Variants in C12orf42 observed in about 807,000 individuals in gnomAD.
C12orf42 encodes the protein chromosome 12 open reading frame 42.
Under a neutral mutation model 21.6 loss-of-function variants are expected in C12orf42, and 25 were observed. The observed-to-expected ratio is 1.16, with a 90% confidence interval of 0.84 to 1.62. The LOEUF (loss-of-function observed/expected upper bound fraction) is 1.62, where lower values mean the gene tolerates loss of function less well. Ranked by LOEUF, C12orf42 falls within the 40% of genes most tolerant of loss-of-function variation. The pLI, the probability that C12orf42 is intolerant of heterozygous loss-of-function variation, is 0.00. For synonymous variants in C12orf42, 174 were observed against 175.0 expected, an observed-to-expected ratio of 0.99 and a Z score of 0.05; for missense variants, 483 against 459.3, an observed-to-expected ratio of 1.05 and a Z score of -0.47.
the C12orf42 span, among the ~76,000 whole-genome samples, chr12:103,128,728 A>G: frequency 1.2e-4 from 19 of 152,160 alleles, no homozygotes; most frequent in African/African-American, 4.3e-4. Context: ...AGTGATTTTC[A>G]TCATCATCAT....
downstream of C12orf42, among the ~76,000 whole-genome samples, chr12:103,266,446 T>A (rs568778355): frequency 6.6e-5 from 10 of 152,158 alleles, no homozygotes; most frequent in Admixed American, 1.3e-4. Flanking sequence ...TATTATTTGA[T>A]CTGATCAGTC....
At chr12:103,455,369 A>T (rs1318972112) in intron 2 of C12orf42, among the ~76,000 whole-genome samples, 1 of 152,176 alleles carries the variant, frequency 6.6e-6, no homozygotes, top group Non-Finnish European at 1.5e-5. Context: ...TTTTTAAAGA[A>T]GGGTGATAAA....
intron 3 of C12orf42, among the ~76,000 whole-genome samples, chr12:103,394,809 G>A (rs764478408): frequency 8.5e-5 from 13 of 152,240 alleles, no homozygotes; most frequent in Middle Eastern, 3.4e-3. Flanking sequence ...CCAAACTGTG[G>A]CAGAGAAATT....
the C12orf42 span, among the ~76,000 whole-genome samples, chr12:103,106,432 G>A: frequency 6.6e-6 from 1 of 151,904 alleles, no homozygotes; most frequent in Non-Finnish European, 1.5e-5. Flanking sequence ...AAATAAACAA[G>A]CATTGACTAT....
intron 4 of C12orf42, among the ~76,000 whole-genome samples, chr12:103,322,108 T>C (rs1403232974): frequency 2.5e-5 from 3 of 122,188 alleles, no homozygotes; most frequent in South Asian, 2.9e-4. Context: ...TGCACGCGCG[T>C]GCGTGCGCGC....
intron 10 of C12orf42, among the ~76,000 whole-genome samples, chr12:103,238,601 A>T (rs2033570718): frequency 6.6e-6 from 1 of 152,114 alleles, no homozygotes; most frequent in Admixed American, 6.6e-5. Context: ...CAGCTGGAAA[A>T]CCCAACAACT....
intron 4 of C12orf42, chr12:103,349,403 T>A (rs2042916841): frequency 6.6e-6 from 1 of 152,094 alleles, no homozygotes; most frequent in Non-Finnish European, 1.5e-5. Context: ...ATTTCGGAGT[T>A]CCCTGTTGAA....
intron 2 of C12orf42, among the ~76,000 whole-genome samples, chr12:103,460,218 T>G (rs1417968996): frequency 1.3e-5 from 2 of 152,000 alleles, no homozygotes; most frequent in Non-Finnish European, 2.9e-5. Flanking sequence ...GACCTTTGTT[T>G]GGTCAACCCC....
intron 3 of C12orf42, among the ~76,000 whole-genome samples, chr12:103,392,817 A>G (rs1481252194): frequency 2.0e-5 from 3 of 152,190 alleles, no homozygotes; most frequent in Non-Finnish European, 4.4e-5. Flanking sequence ...AAAGGACGGG[A>G]AATTCTCTTT....
the C12orf42 span, among the ~76,000 whole-genome samples, chr12:103,222,692 T>C: frequency 5.6e-3 from 857 of 152,254 alleles, 10 homozygotes; most frequent in African/African-American, 0.02. Context: ...ATACTTTCTA[T>C]ACAAATGTAA....
the C12orf42 span, among the ~76,000 whole-genome samples, chr12:103,052,324 C>A: frequency 6.6e-6 from 1 of 152,088 alleles, no homozygotes; most frequent in East Asian, 1.9e-4. Context: ...TATGATAGTA[C>A]AGGTGACTCA....
intron 4 of C12orf42, among the ~76,000 whole-genome samples, chr12:103,290,198 T>C (rs538486621): frequency 2.1e-4 from 32 of 152,278 alleles, no homozygotes; most frequent in African/African-American, 7.7e-4. Flanking sequence ...GTTCAAAGCA[T>C]ATTGCACCTG....
At chr12:103,380,261 T>C (rs2046051400) in intron 3 of C12orf42, among the ~76,000 whole-genome samples, 1 of 152,152 alleles carries the variant, frequency 6.6e-6, no homozygotes, top group African/African-American at 2.4e-5. Context: ...AAATAAGAAG[T>C]AGACCAACCA....
the C12orf42 span, among the ~76,000 whole-genome samples, chr12:103,108,298 C>T: frequency 6.6e-6 from 1 of 151,770 alleles, no homozygotes; most frequent in Non-Finnish European, 1.5e-5. Context: ...AGGAAAAACT[C>T]CCCAAATCAC....
the C12orf42 span, among the ~76,000 whole-genome samples, chr12:103,079,717 T>C: frequency 6.6e-6 from 1 of 152,218 alleles, no homozygotes; most frequent in African/African-American, 2.4e-5. Flanking sequence ...TTGCTTATCA[T>C]AGTCATTTAG....
intron 4 of C12orf42, among the ~76,000 whole-genome samples, chr12:103,295,298 C>T (rs7137989): frequency 0.48 from 72,585 of 151,920 alleles, 19,565 homozygotes; most frequent in African/African-American, 0.73. Context: ...TATAGAGAGC[C>T]GAACTAAAAG....
At chr12:103,428,962 C>G (rs1013696082) in intron 2 of C12orf42, among the ~76,000 whole-genome samples, 8 of 152,266 alleles carry the variant, frequency 5.3e-5, no homozygotes, top group African/African-American at 1.7e-4. Context: ...ATTGATGGAA[C>G]CTATCTCAAA....
At chr12:103,216,922 A>T in the C12orf42 span, among the ~76,000 whole-genome samples, 1,722 of 152,038 alleles carry the variant, frequency 0.011, 12 homozygotes, top group Non-Finnish European at 0.019. Flanking sequence ...GGCTCACTGT[A>T]ACCTCTGCCT....
the C12orf42 span, among the ~76,000 whole-genome samples, chr12:103,097,005 A>G: frequency 2.0e-5 from 3 of 152,188 alleles, no homozygotes; most frequent in African/African-American, 2.4e-5. Flanking sequence ...TTTCTCTACT[A>G]AAGAGTGTAC....
Sources: allele counts gnomAD v4.1 joint callset (sites outside exome capture counted in the v4.1 genomes callset), GRCh38; gene constraint gnomAD v4.1.1; transcripts MANE v1.5; gene names NCBI Gene and HGNC (gene_info 2026-07-23, HGNC 2026-07-21).